Variants in SF3B1 observed in about 807,000 individuals in gnomAD.
The protein encoded by SF3B1 is splicing factor 3b subunit 1, also known as pre-mRNA processing 10.
A neutral mutation model predicts 153.8 loss-of-function variants in SF3B1; 12 were observed. The ratio of observed to expected loss-of-function variants is 0.08; its 90% CI spans 0.05 to 0.13. SF3B1 has a LOEUF of 0.13. Among genes scored for constraint, SF3B1 ranks in the 10% least tolerant of loss-of-function variants. The pLI is 1.00. For synonymous variants in SF3B1, 498 were observed against 525.2 expected, an observed-to-expected ratio of 0.95 and a Z score of 0.71; for missense variants, 513 against 1,606.1, an observed-to-expected ratio of 0.32 and a Z score of 11.63.
chr2:197,419,138 T>G (rs1403609508), intron 4 of SF3B1: 2 of 509,050 alleles, frequency 3.9e-6, no homozygotes, highest in African/African-American at 3.9e-5. Flanking sequence ...AATCTTATTC[T>G]GATGTCACGT....
chr2:197,434,181 C>CT (rs1368067015), intron 1 of SF3B1, among the ~76,000 whole-genome samples: 1 of 152,208 alleles, frequency 6.6e-6, no homozygotes, highest in Non-Finnish European at 1.5e-5. Context: ...GCAGTTCCAA[C>CT]TTCTCATGCC....
intron 4 of SF3B1, 184 bp from the exon 5 acceptor site, chr2:197,418,772 T>A: frequency 6.8e-7 from 1 of 1,467,722 alleles, no homozygotes; most frequent in Non-Finnish European, 9.0e-7. Flanking sequence ...ATTTAACCTG[T>A]TTGAACACAA....
intron 1 of SF3B1, among the ~76,000 whole-genome samples, chr2:197,432,211 T>A: frequency 6.6e-6 from 1 of 152,206 alleles, no homozygotes; most frequent in Admixed American, 6.5e-5. Flanking sequence ...AAGCAAAGAA[T>A]TAGGGAAAAA....
chr2:197,409,831 A>G lies in SF3B1; in HGVS notation c.843T>C (p.His281=), dbSNP rs758234384. 1.2e-6 allele frequency: 2 copies of G among 1,613,926 alleles called. No homozygotes were observed. The highest frequency in any genetic ancestry group is 1.7e-6 in the Non-Finnish European group (2 of 1,179,972). ...GDTPGHATPG[H]GGATSSARKN... is the part of the protein sequence containing the mutation. Reference sequence around the variant, plus strand: ...TACGAGCACTGGAAGTTGCGCCTCCATGGCCTGGTGTCGCATGGCCTGGTG... The same window carrying G: ...TACGAGCACTGGAAGTTGCGCCTCCGTGGCCTGGTGTCGCATGGCCTGGTG... Residue 281 remains histidine, a synonymous_variant, in exon 7 of 25, where the codon CAT becomes CAC. Transcript: ENST00000335508.
chr2:197,423,149 G>A (rs533340920), intron 2 of SF3B1, among the ~76,000 whole-genome samples: 6 of 152,236 alleles, frequency 3.9e-5, no homozygotes, highest in African/African-American at 1.4e-4. Context: ...CACTTTGGGA[G>A]GCCAAGGCAG....
chr2:197,417,034 T>A, intron 5 of SF3B1, 123 bp from the exon 6 acceptor site: 1 of 926,910 alleles, frequency 1.1e-6, no homozygotes, highest in Non-Finnish European at 1.6e-6. Context: ...TATGTACTGG[T>A]GATCTCCTTT....
At chr2:197,407,287 T>C (rs1031286751) in intron 9 of SF3B1, among the ~76,000 whole-genome samples, 3 of 152,006 alleles carry the variant, frequency 2.0e-5, no homozygotes, top group Admixed American at 2.0e-4. Context: ...GAAAATTTTA[T>C]AGTTCAAAAT....
intron 24 of SF3B1, among the ~76,000 whole-genome samples, chr2:197,392,662 T>C (rs1413306416): frequency 6.7e-6 from 1 of 149,836 alleles, no homozygotes; most frequent in Non-Finnish European, 1.5e-5. Context: ...TGTTCTACCA[T>C]ATGGCACAAT....
intron 1 of SF3B1, among the ~76,000 whole-genome samples, chr2:197,431,696 G>A (rs1041181911): frequency 1.3e-5 from 2 of 152,114 alleles, no homozygotes; most frequent in African/African-American, 4.8e-5. Flanking sequence ...AAAACAGGAA[G>A]TATATTCTGA....
rs2084944056 is a variant in SF3B1, at chr2:197,402,332, G to C, written c.2078-202C>G. On this transcript the variant is annotated intron_variant, in intron 14 of 24. Transcript: ENST00000335508. The surrounding 1 kb of genome is among the most constrained non-coding windows in gnomAD (Gnocchi z 4.6). Reference sequence around the variant, plus strand: ...CCCATCATAAAATCTATAGTTTGTAGAGCTATGCCTTTCCATTTATCTCCC... The same window carrying C: ...CCCATCATAAAATCTATAGTTTGTACAGCTATGCCTTTCCATTTATCTCCC... The C allele has an allele frequency of 1.4e-6, 1 of 708,754 alleles. No homozygotes were observed. 43.9% of individuals were successfully genotyped at this position (708,754 alleles called of 1,614,324 possible).
chr2:197,431,781 A>G (rs1363497693), intron 1 of SF3B1, among the ~76,000 whole-genome samples: 1 of 152,204 alleles, frequency 6.6e-6, no homozygotes, highest in African/African-American at 2.4e-5. Context: ...ATTTTACTGA[A>G]CACTACAAAC....
At chr2:197,412,869 T>G (rs1449670198) in intron 6 of SF3B1, among the ~76,000 whole-genome samples, 1 of 141,838 alleles carries the variant, frequency 7.1e-6, no homozygotes, top group Non-Finnish European at 1.5e-5. Context: ...CCCAGCTACT[T>G]GGGAGGGTGA....
intron 1 of SF3B1, among the ~76,000 whole-genome samples, chr2:197,431,024 A>G (rs190770072): frequency 7.9e-5 from 12 of 152,080 alleles, no homozygotes; most frequent in Middle Eastern, 3.4e-3. Context: ...CACTGATAGC[A>G]GAAGGTCACA....
At chr2:197,407,044 C>T (rs149267562) in intron 9 of SF3B1, among the ~76,000 whole-genome samples, 1 of 152,112 alleles carries the variant, frequency 6.6e-6, no homozygotes, top group East Asian at 1.9e-4. Context: ...GCTATGTCAG[C>T]GCCACTGCTC....
chr2:197,417,300 A>C (rs2085162196), intron 5 of SF3B1, among the ~76,000 whole-genome samples: 1 of 152,198 alleles, frequency 6.6e-6, no homozygotes, highest in Non-Finnish European at 1.5e-5. Flanking sequence ...AAAAATAATA[A>C]AATTGTTTTA....
In SF3B1 at chr2:197,400,818, A is replaced by G. The variant is rs1402437917; in HGVS notation, c.2615T>C (p.Ile872Thr). 1.9e-6 allele frequency: 3 copies of G among 1,612,958 alleles called. No individual in the cohort carries two copies. The highest frequency in any genetic ancestry group is 1.7e-6 in the Non-Finnish European group (2 of 1,179,128). Reference protein sequence around the residue: ...EQYRKMVMETIEKIMGNLGAA... With the variant: ...EQYRKMVMETTEKIMGNLGAA... ...TCCCAAATTACCCATAATTTTCTCA[A>G]TTGTCTCCATCACCATTTTTCTGTA... Residue 872 changes from isoleucine to threonine, a missense_variant, in exon 18 of 25, where the codon ATT (isoleucine) becomes ACT (threonine). Transcript: ENST00000335508. This position sits in a 1 kb window ranked among gnomAD's most constrained non-coding sequence, Gnocchi z 5.0.
At position 197,400,677 on chromosome 2, in the gene SF3B1, T is replaced by TA; in HGVS notation, c.2718+37dup. 3 of 1,420,732 alleles carry TA rather than the reference T, an allele frequency of 2.1e-6. No homozygotes were observed. The highest frequency in any genetic ancestry group is 2.9e-6 in the Non-Finnish European group (3 of 1,023,610). The allele number at this position is 1,420,732 out of a possible 1,614,324, so 88.0% of individuals were successfully genotyped here. A position where few individuals can be genotyped will look rare whatever the true frequency, so the allele number is the denominator to read the frequency against. On this transcript the variant is annotated intron_variant, in intron 18 of 24. Transcript: ENST00000335508. The surrounding 1 kb of genome is among the most constrained non-coding windows in gnomAD (Gnocchi z 5.0). ...AACTAATATGCTTTTCTACAAATATTAAAGTTAGTAGCAATGTGCCATAAT... is the reference window on the plus strand; with the variant it reads ...AACTAATATGCTTTTCTACAAATATTAAAAGTTAGTAGCAATGTGCCATAAT...
chr2:197,408,255 A>G (rs944966576), intron 8 of SF3B1, 114 bp downstream of exon 8: 40 of 1,262,578 alleles, frequency 3.2e-5, no homozygotes, highest in South Asian at 2.4e-4. Context: ...TTAAATTTGT[A>G]TATCTCCTTA....
Position 197,400,282 on chromosome 2 carries a change from T to G in SF3B1, c.2871A>C (p.Arg957=), listed in dbSNP as rs1412842994. The part of the protein sequence containing the change: ...VRQQAADLIS[R]TAVVMKTCQE... Reference sequence around the variant, plus strand: ...GACAAGTCTTCATGACAACAGCAGTTCGAGAAATCAAGTCAGCTGCCTGTT... The same window carrying G: ...GACAAGTCTTCATGACAACAGCAGTGCGAGAAATCAAGTCAGCTGCCTGTT... The change falls in exon 19 of 25, where the codon CGA becomes CGC. Residue 957 remains arginine (R), a synonymous_variant. Transcript: ENST00000335508. This position sits in a 1 kb window ranked among gnomAD's most constrained non-coding sequence, Gnocchi z 5.0. The G allele has an allele frequency of 5.6e-6, 9 of 1,613,940 alleles. No individual in the cohort carries two copies. Among genetic ancestry groups the G allele is most frequent in the Non-Finnish European group, 7.6e-6 (9 of 1,179,964 alleles).
Sources: gnomAD v4.1 joint callset for allele counts (sites outside exome capture counted in the v4.1 genomes callset) on GRCh38, gnomAD v4.1.1 for gene constraint, Gnocchi (gnomAD v3.1) non-coding constraint, MANE v1.5 for transcripts, NCBI Gene and HGNC (gene_info 2026-07-23, HGNC 2026-07-21) for gene names.